MMAB: variants seen among roughly 807,000 people sequenced by gnomAD.
MMAB encodes metabolism of cobalamin associated B.
A neutral mutation model predicts 30.6 loss-of-function variants in MMAB; 17 were observed. The observed-to-expected ratio is 0.56, with a 90% CI of 0.38 to 0.83. The LOEUF (loss-of-function observed/expected upper bound fraction) is 0.83, where lower values mean the gene tolerates loss of function less well. MMAB is among the 40% of genes least tolerant of loss of function. The pLI is 0.00. For missense variants in MMAB, 311 were observed against 331.6 expected, an observed-to-expected ratio of 0.94 and a Z score of 0.48; for synonymous variants, 134 against 138.6, an observed-to-expected ratio of 0.97 and a Z score of 0.23.
intron 1 of MMAB, 45 bp downstream of exon 1, chr12:109,573,302 G>C (rs375777677): frequency 4.1e-4 from 662 of 1,611,836 alleles, no homozygotes; most frequent in Non-Finnish European, 5.5e-4. Flanking sequence ...ACGACACCAC[G>C]ATTCACGGCA....
chr12:109,570,636 G>T (rs753108572), intron 2 of MMAB, among the ~76,000 whole-genome samples: 6 of 152,122 alleles, frequency 3.9e-5, no homozygotes, highest in Non-Finnish European at 8.8e-5. Flanking sequence ...TTGGGAGGCT[G>T]AGCTGGGAGG....
chr12:109,568,160 T>A (rs1593003899), intron 3 of MMAB: 1 of 157,892 alleles, frequency 6.3e-6, no homozygotes, highest in Non-Finnish European at 1.4e-5. Context: ...TGACCTCTTT[T>A]CCCTCTGCCA....
At position 109,554,136 on chromosome 12, in the gene MMAB, G is replaced by A. The variant is rs562206916; in HGVS notation, c.*2892C>T. 6.8e-5 allele frequency: 31 copies of A among 453,876 alleles called. No individual in the cohort carries two copies. The highest frequency in any genetic ancestry group is 1.9e-4 in the South Asian group (12 of 64,472). The allele number at this position is 453,876 out of a possible 1,614,324, so 28.1% of individuals were successfully genotyped here. Reference sequence around the variant, plus strand: ...GCACGGGGCTGTGAGTGACGAGGCCGCGTCCGGGGCTCACATCTTGGCACT... The same window carrying A: ...GCACGGGGCTGTGAGTGACGAGGCCACGTCCGGGGCTCACATCTTGGCACT... On this transcript the variant is annotated 3_prime_UTR_variant, in exon 9 of 9. Transcript: ENST00000545712.
In MMAB at chr12:109,553,857, G is replaced by A. The variant is rs1393797720; in HGVS notation, c.*3171C>T. 1 of 454,112 alleles carries A rather than the reference G, an allele frequency of 2.2e-6. No individual in the cohort carries two copies. Among genetic ancestry groups the A allele is most frequent in the Admixed American group, 2.3e-5 (1 of 42,574 alleles). 28.1% of individuals were successfully genotyped at this position (454,112 alleles called of 1,614,324 possible). On this transcript the variant is annotated 3_prime_UTR_variant, in exon 9 of 9. Transcript: ENST00000545712. ...TGAATGGGCTGTCGGAAGGTGTCGA[G>A]GCAGCAGCAAGGGTGACATTGCCAC...
chr12:109,567,036 G>A (rs1038772312), intron 3 of MMAB: 5 of 456,032 alleles, frequency 1.1e-5, no homozygotes, highest in Non-Finnish European at 1.8e-5. Flanking sequence ...ATGGAGAAAT[G>A]GTAGCCAGGA....
chr12:109,560,916 C>T, intron 7 of MMAB, 124 bp downstream of exon 7: 1 of 973,876 alleles, frequency 1.0e-6, no homozygotes, highest in Non-Finnish European at 1.6e-6. Flanking sequence ...TACCTGCCTC[C>T]TGCCCGCTGT....
intron 2 of MMAB, 113 bp from the exon 3 acceptor site, chr12:109,568,976 C>A (rs1884538439): frequency 1.2e-6 from 1 of 816,464 alleles, no homozygotes; most frequent in South Asian, 1.5e-5. Flanking sequence ...TTTGAACAGT[C>A]ACTCTGTCAT....
At position 109,558,545 on chromosome 12, in the gene MMAB, C is replaced by G. The variant is rs1884066007; in HGVS notation, c.644+551G>C. 6.6e-6 allele frequency among the ~76,000 whole-genome samples: 1 copy of G among 152,188 alleles called. No homozygotes were observed. The highest frequency in any genetic ancestry group is 1.5e-5 in the Non-Finnish European group (1 of 68,022). On this transcript the variant is annotated intron_variant, in intron 8 of 8. Transcript: ENST00000545712. The surrounding 1 kb of genome is among the most constrained non-coding windows in gnomAD (Gnocchi z 4.3). Reference sequence around the variant, plus strand: ...AGGGCTGGGGCAGGAACCCGCAGAGCAGGCTTTGGGCCAGGTGTGGCTCCA... The same window carrying G: ...AGGGCTGGGGCAGGAACCCGCAGAGGAGGCTTTGGGCCAGGTGTGGCTCCA...
chr12:109,559,217 G>T, intron 7 of MMAB, 62 bp from the exon 8 acceptor site: 2 of 1,284,860 alleles, frequency 1.6e-6, no homozygotes, highest in Non-Finnish European at 2.3e-6. Flanking sequence ...TCTGACCTGG[G>T]CCTAAACCTT....
At chr12:109,572,224 C>T (rs528152505) in intron 1 of MMAB, among the ~76,000 whole-genome samples, 242 of 151,084 alleles carry the variant, frequency 1.6e-3, no homozygotes, top group African/African-American at 5.6e-3. Context: ...TCTATCCTAC[C>T]GAAATTATTT....
Position 109,555,192 on chromosome 12 carries a change from T to C in MMAB, c.*1836A>G. On this transcript the variant is annotated 3_prime_UTR_variant, in exon 9 of 9. Transcript: ENST00000545712. ...ATATTCCAGGAAGATTTTGAGATTTTGAGGTGTAGACAGAATTGAGTGATT... is the reference window on the plus strand; with the variant it reads ...ATATTCCAGGAAGATTTTGAGATTTCGAGGTGTAGACAGAATTGAGTGATT... The C allele has an allele frequency of 2.2e-6, 1 of 453,326 alleles. No individual in the cohort carries two copies. The highest frequency in any genetic ancestry group is 4.4e-6 in the Non-Finnish European group (1 of 226,684). The allele number at this position is 453,326 out of a possible 1,614,324, so 28.1% of individuals were successfully genotyped here.
At chr12:109,564,115 G>A (rs1884322655) in intron 4 of MMAB, among the ~76,000 whole-genome samples, 1 of 152,198 alleles carries the variant, frequency 6.6e-6, no homozygotes, top group South Asian at 2.1e-4. Flanking sequence ...CTCAGCCTCG[G>A]TGCTATTGCC....
intron 4 of MMAB, among the ~76,000 whole-genome samples, chr12:109,562,997 GAC>G (rs1464214497): frequency 1.3e-5 from 2 of 152,206 alleles, no homozygotes; most frequent in East Asian, 3.8e-4. Flanking sequence ...TGCGACTTCT[GAC>G]CTCTCCTAAG....
At position 109,565,076 on chromosome 12, in the gene MMAB, C is replaced by T. The variant is rs371979848; in HGVS notation, c.348+43G>A. The stretch of plus-strand genomic sequence containing the variant: ...GGATGCTGAGTCCCGTGATGGCCAC[C>T]GGGGCTGAAGATTCCCAGCTTGGGT... On this transcript the variant is annotated intron_variant, in intron 4 of 8. Transcript: ENST00000545712. 23 of 1,538,790 alleles carry T rather than the reference C, an allele frequency of 1.5e-5. No individual in the cohort carries two copies. The East Asian group carries it at 2.5e-4, about 17-fold the overall frequency.
chr12:109,557,174 T>C (rs752628110), intron 8 of MMAB, 38 bp from the exon 9 acceptor site: 2 of 1,390,650 alleles, frequency 1.4e-6, no homozygotes, highest in Non-Finnish European at 2.0e-6. Context: ...CAGAATGGTT[T>C]GAAATGAGAG....
chr12:109,557,785 A>T (rs1434530480), intron 8 of MMAB, among the ~76,000 whole-genome samples: 1 of 152,192 alleles, frequency 6.6e-6, no homozygotes, highest in East Asian at 1.9e-4. Flanking sequence ...ACATCGCCAA[A>T]GGTACCGGGT....
At chr12:109,572,130 G>A (rs762144364) in intron 1 of MMAB, among the ~76,000 whole-genome samples, 3 of 152,184 alleles carry the variant, frequency 2.0e-5, no homozygotes, top group Non-Finnish European at 4.4e-5. Context: ...CTATGGCTCA[G>A]ATGAGACACC....
At position 109,557,140 on chromosome 12, in the gene MMAB, G is replaced by C; in HGVS notation, c.645-4C>G. 6.3e-7 allele frequency: 1 copy of C among 1,584,840 alleles called. No homozygotes were observed. Among genetic ancestry groups the C allele is most frequent in the Non-Finnish European group, 8.7e-7 (1 of 1,153,382 alleles). On this transcript the variant is annotated splice_polypyrimidine_tract_variant and splice_region_variant and intron_variant, in intron 8 of 8. Coordinates refer to ENST00000545712, the MANE Select transcript of MMAB (RefSeq NM_052845.4). ...CGTGAAGAGATAGTCACTGAGTCTG[G>C]AGGGGCAGAGAGAGAGAAGCAAACA...
rs186508845 is a variant in MMAB, at chr12:109,571,821, C to T, written c.135-111G>A. On this transcript the variant is annotated intron_variant, in intron 1 of 8. Transcript: ENST00000545712. ...TTGTAACCTCAGAGGCAGCACTTAC[C>T]CCTTACTGCTTAGATGGTCATCTCT... 463 of 829,090 alleles carry T rather than the reference C, an allele frequency of 5.6e-4. 4 individuals carry two copies. In the African/African-American group the frequency reaches 6.5e-3, roughly 12 times the overall value. The allele number at this position is 829,090 out of a possible 1,614,324, so 51.4% of individuals were successfully genotyped here.
Sources: gnomAD v4.1 joint callset for allele counts (sites outside exome capture counted in the v4.1 genomes callset) on GRCh38, gnomAD v4.1.1 for gene constraint, Gnocchi (gnomAD v3.1) non-coding constraint, MANE v1.5 for transcripts, NCBI Gene and HGNC (gene_info 2026-07-23, HGNC 2026-07-21) for gene names.